PDZD2: variants seen among roughly 807,000 people sequenced by gnomAD.
PDZD2 encodes the protein PDZ domain containing 2.
A neutral mutation model predicts 220.7 loss-of-function variants in PDZD2; 90 were observed. That is an observed-to-expected ratio of 0.41 (90% CI 0.34 to 0.49). PDZD2 has a LOEUF of 0.49. PDZD2 is among the 20% of genes least tolerant of loss of function. PDZD2 has a pLI of 0.28. For synonymous variants in PDZD2, 1,375 were observed against 1,450.5 expected, an observed-to-expected ratio of 0.95 and a Z score of 1.18; for missense variants, 3,174 against 3,608.5, an observed-to-expected ratio of 0.88 and a Z score of 3.08.
At position 32,089,241 on chromosome 5, in the gene PDZD2, G is replaced by A; in HGVS notation, c.5793G>A (p.Val1931=). 1.2e-6 allele frequency: 2 copies of A among 1,614,202 alleles called. No homozygotes were observed. Among genetic ancestry groups the A allele is most frequent in the Non-Finnish European group, 8.5e-7 (1 of 1,180,044 alleles). The change falls in exon 20 of 25, where the codon GTG becomes GTA. Residue 1931 remains valine (V), a synonymous_variant. Transcript: ENST00000438447. ...QTSHKTLSKA[V]SQRLHVADHE... is the part of the protein sequence containing the mutation. Reference sequence around the variant, plus strand: ...CCCACAAAACACTTTCTAAGGCAGTGTCACAGCGGCTCCATGTAGCCGACC... The same window carrying A: ...CCCACAAAACACTTTCTAAGGCAGTATCACAGCGGCTCCATGTAGCCGACC...
In PDZD2 at chr5:32,059,810, T is replaced by G. The variant is rs559324410; in HGVS notation, c.2318+454T>G. 2.6e-5 allele frequency among the ~76,000 whole-genome samples: 4 copies of G among 152,360 alleles called. No homozygotes were observed. In the South Asian group the frequency reaches 8.3e-4, roughly 32 times the overall value. On this transcript the variant is annotated intron_variant, in intron 13 of 24. Transcript: ENST00000438447. ...TCTTATTAAGTATTCTCTCAAACTT[T>G]TCCTGTCATTTTCATTCCTTGTTGA... is the stretch of plus-strand genomic sequence containing the variant.
chr5:31,885,133 C>T (rs1208757332), intron 2 of PDZD2, among the ~76,000 whole-genome samples: 2 of 144,604 alleles, frequency 1.4e-5, no homozygotes, highest in Admixed American at 1.4e-4. Flanking sequence ...GAAATGGCAA[C>T]TCCCAGAAGA....
At chr5:31,843,101 G>A (rs936106840) in intron 2 of PDZD2, among the ~76,000 whole-genome samples, 4 of 151,466 alleles carry the variant, frequency 2.6e-5, no homozygotes, top group African/African-American at 4.9e-5. Flanking sequence ...GGCTGGTCTC[G>A]AACTCCTGAC....
intron 6 of PDZD2, among the ~76,000 whole-genome samples, chr5:32,021,812 T>C (rs1036289279): frequency 2.6e-5 from 4 of 152,228 alleles, no homozygotes; most frequent in African/African-American, 9.6e-5. Context: ...ACTTAGTAAA[T>C]ATCTGTGGAA....
At chr5:31,692,881 C>G (rs1276797286) in intron 1 of PDZD2, 5 of 152,306 alleles carry the variant, frequency 3.3e-5, no homozygotes, top group African/African-American at 1.2e-4. Flanking sequence ...CTGTCCGGGT[C>G]AGGGGAATCG....
intron 1 of PDZD2, among the ~76,000 whole-genome samples, chr5:31,727,013 G>A (rs1046427228): frequency 6.6e-6 from 1 of 152,106 alleles, no homozygotes; most frequent in Non-Finnish European, 1.5e-5. Flanking sequence ...AGGAGCATGC[G>A]AGAGAGAGAA....
intron 2 of PDZD2, among the ~76,000 whole-genome samples, chr5:31,974,617 T>C (rs576008095): frequency 2.6e-5 from 4 of 152,314 alleles, no homozygotes; most frequent in African/African-American, 7.2e-5. Flanking sequence ...GGCTCAAAGA[T>C]GAAAAACGTT....
chr5:32,088,111 G>T lies in PDZD2; in HGVS notation c.4663G>T (p.Ala1555Ser). 1 of 1,614,200 alleles carries T rather than the reference G, an allele frequency of 6.2e-7. No individual in the cohort carries two copies. The highest frequency in any genetic ancestry group is 8.5e-7 in the Non-Finnish European group (1 of 1,180,030). ...GTCTCTGTCATCCATGTATGGCGAT[G>T]CTGAGGATTCTTCTTCTGACCCTGA... ...EPSLSSMYGD[A>S]EDSSSDPESL... The change falls in exon 20 of 25, where the codon GCT becomes TCT. Residue 1555 changes from alanine (A) to serine (S), a missense_variant. Coordinates refer to ENST00000438447, the MANE Select transcript of PDZD2 (RefSeq NM_178140.4). The surrounding 1 kb of genome is among the most constrained non-coding windows in gnomAD (Gnocchi z 4.6).
chr5:31,916,556 A>G (rs1033097102), intron 2 of PDZD2, among the ~76,000 whole-genome samples: 2 of 152,198 alleles, frequency 1.3e-5, no homozygotes, highest in African/African-American at 4.8e-5. Context: ...GCCTTCTGGC[A>G]CCTTCTGATG....
At chr5:31,894,038 G>A (rs1028052986) in intron 2 of PDZD2, among the ~76,000 whole-genome samples, 8 of 147,884 alleles carry the variant, frequency 5.4e-5, no homozygotes, top group African/African-American at 2.0e-4. Context: ...GGGATTACAG[G>A]CATGCGCCAC....
chr5:31,909,522 C>T (rs1282494813), intron 2 of PDZD2, among the ~76,000 whole-genome samples: 2 of 151,814 alleles, frequency 1.3e-5, no homozygotes, highest in African/African-American at 4.8e-5. Flanking sequence ...TTTCTTTTAC[C>T]GCATACAGTA....
chr5:31,783,780 C>G (rs1339964396), intron 1 of PDZD2, among the ~76,000 whole-genome samples: 1 of 152,164 alleles, frequency 6.6e-6, no homozygotes, highest in Non-Finnish European at 1.5e-5. Context: ...TCTACATTTC[C>G]CCTGTGGAGA....
rs367845837 is a variant in PDZD2, at chr5:31,797,271, G to A, written c.-360-1618G>A. 1.5e-4 allele frequency among the ~76,000 whole-genome samples: 22 copies of A among 150,906 alleles called. No homozygotes were observed. The South Asian group carries it at 1.9e-3, about 13-fold the overall frequency. ...TATTTACTGTTTTTATATGTATGGA[G>A]CCATCTCAACTGTGACTAACATCCT... On this transcript the variant is annotated intron_variant, in intron 1 of 24. Transcript: ENST00000438447.
At chr5:32,077,317 A>C (rs1203400117) in intron 18 of PDZD2, 145 bp from the exon 19 acceptor site, 13 of 739,376 alleles carry the variant, frequency 1.8e-5, no homozygotes, top group Admixed American at 4.9e-5. Flanking sequence ...GCAGACCTTA[A>C]ACCCACAATC....
chr5:31,696,905 T>C (rs529883511), intron 1 of PDZD2, among the ~76,000 whole-genome samples: 11 of 152,296 alleles, frequency 7.2e-5, no homozygotes, highest in African/African-American at 2.6e-4. Flanking sequence ...CTTTAGTGGT[T>C]CTGCTTGTTC....
chr5:31,999,280 G>GTTTTTTTTTT (rs60415381), intron 4 of PDZD2, among the ~76,000 whole-genome samples: 1 of 127,694 alleles, frequency 7.8e-6, no homozygotes, highest in African/African-American at 2.9e-5. Context: ...GGCGGGATTT[G>GTTTTTTTTTT]TTTTTTTTTT....
chr5:31,675,738 C>A (rs1746383774), intron 1 of PDZD2, among the ~76,000 whole-genome samples: 1 of 152,132 alleles, frequency 6.6e-6, no homozygotes, highest in South Asian at 2.1e-4. Flanking sequence ...ACTCTGTCAC[C>A]CAGACTGGAG....
chr5:31,788,748 G>C (rs761579517), intron 1 of PDZD2, among the ~76,000 whole-genome samples: 1 of 152,182 alleles, frequency 6.6e-6, no homozygotes, highest in Non-Finnish European at 1.5e-5. Context: ...TCAGTAGTTT[G>C]TATTTGCACT....
intron 1 of PDZD2, among the ~76,000 whole-genome samples, chr5:31,669,366 C>T (rs962086735): frequency 4.1e-5 from 6 of 145,976 alleles, no homozygotes; most frequent in African/African-American, 7.7e-5. Context: ...TGTGCCTCTA[C>T]GCTCCAGCCT....
Sources: allele counts gnomAD v4.1 joint callset (sites outside exome capture counted in the v4.1 genomes callset), GRCh38; gene constraint gnomAD v4.1.1; non-coding constraint Gnocchi (gnomAD v3.1); transcripts MANE v1.5; gene names NCBI Gene and HGNC (gene_info 2026-07-23, HGNC 2026-07-21).